JADE1: variants seen among roughly 807,000 people sequenced by gnomAD.
JADE1 encodes the protein protein Jade-1.
In JADE1, 14 loss-of-function variants were observed where a neutral mutation model predicts 81.8. The observed-to-expected ratio is 0.17, with a 90% confidence interval of 0.11 to 0.27. The LOEUF (loss-of-function observed/expected upper bound fraction) is 0.27. JADE1 is among the 10% of genes least tolerant of loss of function. JADE1 has a pLI of 1.00. For missense variants in JADE1, 690 were observed against 1,047.9 expected (o/e 0.66, Z 4.71); for synonymous variants, 353 against 391.9 (o/e 0.90, Z 1.17).
chr4:128,862,528 T>A, intron 9 of JADE1: 1 of 1,228,374 alleles, frequency 8.1e-7, no homozygotes, highest in Non-Finnish European at 1.0e-6. Flanking sequence ...ATTCCTTCAT[T>A]CTAGAGCTAG....
intron 3 of JADE1, among the ~76,000 whole-genome samples, chr4:128,845,657 G>C (rs185834502): frequency 6.6e-6 from 1 of 152,212 alleles, no homozygotes; most frequent in Admixed American, 6.5e-5. Flanking sequence ...GCTCATGCTT[G>C]TAATCCCAGC....
chr4:128,842,416 C>T (rs562223598), intron 2 of JADE1, among the ~76,000 whole-genome samples: 11 of 152,072 alleles, frequency 7.2e-5, no homozygotes, highest in African/African-American at 2.7e-4. Context: ...TCTCCTGCCT[C>T]GGCTTTCCGA....
At chr4:128,845,919 A>T (rs1391110219) in intron 3 of JADE1, among the ~76,000 whole-genome samples, 2 of 150,792 alleles carry the variant, frequency 1.3e-5, no homozygotes, top group African/African-American at 4.9e-5. Flanking sequence ...GCAAGATTCC[A>T]TCTCAGAAAA....
At position 128,861,850 on chromosome 4, in the gene JADE1, G is replaced by T; in HGVS notation, c.1128G>T (p.Glu376Asp). ...ACAGCTCACATAGGAAACCCGAGGA[G>T]AGTCTTGGCAAGGGGGCTGCACAGG... ...PKHSSHRKPE[E>D]SLGKGAAQEN... Residue 376 changes from glutamate to aspartate, a missense_variant, in exon 9 of 11, where the codon GAG (glutamate) becomes GAT (aspartate). This residue lies in a region of JADE1 where 77 missense variants were observed against 76.4 expected (regional missense o/e 1.01). Transcript: ENST00000226319. 6.2e-7 allele frequency: 1 copy of T among 1,614,216 alleles called. No individual in the cohort carries two copies. Among genetic ancestry groups the T allele is most frequent in the Non-Finnish European group, 8.5e-7 (1 of 1,180,038 alleles).
chr4:128,873,566 C>T lies in JADE1; in HGVS notation c.*1304C>T, dbSNP rs1263487106. ...TTTTGTTTTTGCACTCCCCATAGTG[C>T]GTATGTATTAAGACAGTGGATAGTG... On this transcript the variant is annotated 3_prime_UTR_variant, in exon 11 of 11. Transcript: ENST00000226319. The T allele has an allele frequency of 2.0e-5, 3 of 152,478 alleles. No individual in the cohort carries two copies. Among genetic ancestry groups the T allele is most frequent in the African/African-American group, 7.2e-5 (3 of 41,388 alleles). 9.4% of individuals were successfully genotyped at this position (152,478 alleles called of 1,614,324 possible).
At chr4:128,867,090 A>C (rs1731836391) in intron 9 of JADE1, among the ~76,000 whole-genome samples, 1 of 152,248 alleles carries the variant, frequency 6.6e-6, no homozygotes. Flanking sequence ...AACTCTTAGC[A>C]CTGGGTCTTT....
chr4:128,874,114 A>G lies in JADE1; in HGVS notation c.*1852A>G, dbSNP rs1368915362. 6.6e-6 allele frequency: 1 copy of G among 152,648 alleles called. No individual in the cohort carries two copies. The highest frequency in any genetic ancestry group is 1.5e-5 in the Non-Finnish European group (1 of 68,046). The allele number at this position is 152,648 out of a possible 1,614,324, so 9.5% of individuals were successfully genotyped here. Reference sequence around the variant, plus strand: ...TCAGCTTGTTGCTGCAGATAATAGAAGGTTCTTATGAATCCAAGTTGTATA... The same window carrying G: ...TCAGCTTGTTGCTGCAGATAATAGAGGGTTCTTATGAATCCAAGTTGTATA... On this transcript the variant is annotated 3_prime_UTR_variant, in exon 11 of 11. Transcript: ENST00000226319.
intron 2 of JADE1, among the ~76,000 whole-genome samples, chr4:128,834,658 C>T (rs887003226): frequency 1.3e-5 from 2 of 151,292 alleles, no homozygotes; most frequent in African/African-American, 2.4e-5. Flanking sequence ...CCTCAGCCTC[C>T]GAGTAGCTAG....
At chr4:128,857,533 G>C (rs1730896543) in intron 8 of JADE1, 79 bp downstream of exon 8, 1 of 1,174,904 alleles carries the variant, frequency 8.5e-7, no homozygotes, top group Non-Finnish European at 1.3e-6. Flanking sequence ...TCTGTGAACT[G>C]TCCAAGGGTT....
rs139742027 is a variant in JADE1 at position 128,861,525 on chromosome 4, C to G, written c.982-179C>G. 2.6e-3 allele frequency among the ~76,000 whole-genome samples: 401 copies of G among 152,344 alleles called. 1 individual carries two copies. The highest frequency in any genetic ancestry group is 4.5e-3 in the Non-Finnish European group (306 of 68,032). ...ATAAAAAAAATTCCAAGCCTTACCTCTTTTAAAACATGACAGGATCTTGCA... is the reference window on the plus strand; with the variant it reads ...ATAAAAAAAATTCCAAGCCTTACCTGTTTTAAAACATGACAGGATCTTGCA... On this transcript the variant is annotated intron_variant, in intron 8 of 10. Coordinates refer to ENST00000226319, the MANE Select transcript of JADE1 (RefSeq NM_199320.4).
chr4:128,831,411 CTGCAGTGCT>C lies in JADE1; in HGVS notation c.-26-318_-26-310del, dbSNP rs1728539116. On this transcript the variant is annotated intron_variant, in intron 1 of 10. Transcript: ENST00000226319. ...AGTGTTCATTGCTGTGGATTTTTTT[CTGCAGTGCT>C]TGCTGCCAGTCAGCTAAAGATTCCT... The C allele has an allele frequency of 1.4e-5, 4 of 289,838 alleles. No individual in the cohort carries two copies. The Admixed American group carries it at 2.0e-4, about 14-fold the overall frequency. 18.0% of individuals were successfully genotyped at this position (289,838 alleles called of 1,614,324 possible).
Position 128,846,643 on chromosome 4 carries a change from G to C in JADE1, c.296+111G>C. 1 of 1,170,484 alleles carries C rather than the reference G, an allele frequency of 8.5e-7. No individual in the cohort carries two copies. The highest frequency in any genetic ancestry group is 1.2e-6 in the Non-Finnish European group (1 of 833,894). The allele number at this position is 1,170,484 out of a possible 1,614,324, so 72.5% of individuals were successfully genotyped here. Reference sequence around the variant, plus strand: ...GTGGGAAGAGACAGTTTCTGAGTTAGCATTAAAATATCATGAGGCCTCAAG... The same window carrying C: ...GTGGGAAGAGACAGTTTCTGAGTTACCATTAAAATATCATGAGGCCTCAAG... On this transcript the variant is annotated intron_variant, in intron 4 of 10. Coordinates refer to ENST00000226319, the MANE Select transcript of JADE1 (RefSeq NM_199320.4). This position sits in a 1 kb window ranked among gnomAD's most constrained non-coding sequence, Gnocchi z 4.0.
chr4:128,845,721 GA>G (rs1409748266), intron 3 of JADE1, among the ~76,000 whole-genome samples: 1 of 152,078 alleles, frequency 6.6e-6, no homozygotes, highest in Non-Finnish European at 1.5e-5. Flanking sequence ...TCAATGGTTT[GA>G]GACCAGCCTG....
chr4:128,849,384 C>T (rs1211526081), intron 5 of JADE1, among the ~76,000 whole-genome samples: 2 of 152,178 alleles, frequency 1.3e-5, no homozygotes, highest in Non-Finnish European at 2.9e-5. Context: ...CTCCTCGGCT[C>T]AGGCACCAGG....
At chr4:128,818,939 C>T (rs936633958) in intron 1 of JADE1, among the ~76,000 whole-genome samples, 8 of 151,706 alleles carry the variant, frequency 5.3e-5, no homozygotes, top group Non-Finnish European at 1.0e-4. Context: ...ACTTGATCCT[C>T]CCATCTCAGC....
At chr4:128,864,136 A>G (rs528021937) in intron 9 of JADE1, 1 of 978,388 alleles carries the variant, frequency 1.0e-6, no homozygotes, top group Non-Finnish European at 1.2e-6. Flanking sequence ...AACTTTAAAG[A>G]ATTTGTATTC....
chr4:128,863,865 G>A, intron 9 of JADE1: 2 of 985,458 alleles, frequency 2.0e-6, no homozygotes, highest in Non-Finnish European at 2.4e-6. Flanking sequence ...AGGACAAGAA[G>A]TCTATTGTTT....
In JADE1 at chr4:128,822,629, G is replaced by C. The variant is rs1727687335; in HGVS notation, c.-26-9104G>C. On this transcript the variant is annotated intron_variant, in intron 1 of 10. Transcript: ENST00000226319. The stretch of plus-strand genomic sequence containing the variant: ...AGCTACTAGGGAGGCTGAAGCAGGA[G>C]AATCGCTTGAACCTGGGAGGCGGAG... Among the ~76,000 whole-genome samples, 3 of 152,038 alleles carry C rather than the reference G, an allele frequency of 2.0e-5. No homozygotes were observed. In the South Asian group the frequency reaches 6.2e-4, roughly 32 times the overall value.
intron 2 of JADE1, among the ~76,000 whole-genome samples, chr4:128,841,256 TAGG>T (rs1336186574): frequency 2.6e-5 from 4 of 152,254 alleles, no homozygotes; most frequent in Middle Eastern, 3.4e-3. Flanking sequence ...TTATTAAAAA[TAGG>T]AGGTGGAGGT....
Sources: gnomAD v4.1 joint callset for allele counts (sites outside exome capture counted in the v4.1 genomes callset) on GRCh38, gnomAD v4.1.1 for gene constraint, gnomAD v4.1.1 regional missense constraint, Gnocchi (gnomAD v3.1) non-coding constraint, MANE v1.5 for transcripts, NCBI Gene and HGNC (gene_info 2026-07-23, HGNC 2026-07-21) for gene names.